SUGT1: variants seen among roughly 807,000 people sequenced by gnomAD.
SUGT1 encodes protein SGT1 homolog.
In SUGT1, 15 loss-of-function variants were observed where a neutral mutation model predicts 56.1. The observed-to-expected ratio is 0.27, with a 90% confidence interval of 0.18 to 0.41. The LOEUF is 0.41. Ranked by LOEUF, SUGT1 falls within the 10% of genes least tolerant of loss-of-function variation. SUGT1 has a pLI of 1.00. For synonymous variants in SUGT1, 123 were observed against 128.6 expected (o/e 0.96, Z 0.30); for missense variants, 347 against 382.2 (o/e 0.91, Z 0.77).
chr13:52,657,449 A>G, intron 2 of SUGT1, 83 bp from the exon 3 acceptor site: 2 of 1,143,552 alleles, frequency 1.7e-6, no homozygotes, highest in Non-Finnish European at 2.6e-6. Context: ...ACAATAAGTT[A>G]CTTGATTAAA....
chr13:52,676,458 T>C (rs1366911882), intron 11 of SUGT1, 138 bp downstream of exon 11: 5 of 685,006 alleles, frequency 7.3e-6, no homozygotes, highest in Non-Finnish European at 1.1e-5. Flanking sequence ...GGTTGCTCCG[T>C]AATGAATATA....
At chr13:52,662,541 TC>T in intron 5 of SUGT1, 107 bp from the exon 6 acceptor site, 3 of 1,031,350 alleles carry the variant, frequency 2.9e-6, no homozygotes, top group Admixed American at 2.1e-5. Flanking sequence ...CGCTGCCGAC[TC>T]CCCAGTGCCT....
Position 52,680,162 on chromosome 13 carries a change from A to T in SUGT1, c.900+7A>T. ...TGCCATGAACAAATCCTTTGTAAGA[A>T]TATAAACTTAAAGAAATATATATGG... is the stretch of plus-strand genomic sequence containing the variant. On this transcript the variant is annotated splice_region_variant and intron_variant, in intron 12 of 12. Coordinates refer to ENST00000310528, the MANE Select transcript of SUGT1 (RefSeq NM_006704.5). The T allele has an allele frequency of 6.4e-7, 1 of 1,554,812 alleles. No individual in the cohort carries two copies. The highest frequency in any genetic ancestry group is 8.6e-7 in the Non-Finnish European group (1 of 1,161,148).
Position 52,676,294 on chromosome 13 carries a change from T to G in SUGT1, c.692T>G (p.Val231Gly). 1.2e-6 allele frequency: 2 copies of G among 1,613,092 alleles called. No homozygotes were observed. The highest frequency in any genetic ancestry group is 1.7e-6 in the Non-Finnish European group (2 of 1,179,510). ...RWEKLEGQGD[V>G]PTPKQFVADV... is the part of the protein sequence containing the mutation. ...GAAAAGCTAGAGGGGCAAGGAGATG[T>G]GCCTACGCCAAAACAATTCGTAGCA... The change falls in exon 11 of 13, where the codon GTG (valine) becomes GGG (glycine). Residue 231 changes from valine (V) to glycine (G), a missense_variant. Transcript: ENST00000310528.
chr13:52,680,819 G>A (rs931546034), intron 12 of SUGT1, among the ~76,000 whole-genome samples: 2 of 152,114 alleles, frequency 1.3e-5, no homozygotes, highest in Admixed American at 6.5e-5. Context: ...GAAATCTGTG[G>A]TAATTGGTCA....
chr13:52,657,142 A>T (rs1165614645), intron 2 of SUGT1, among the ~76,000 whole-genome samples: 1 of 152,228 alleles, frequency 6.6e-6, no homozygotes, highest in Non-Finnish European at 1.5e-5. Context: ...TGCACAGCTT[A>T]ACATTTTCTA....
chr13:52,653,195 G>T, intron 2 of SUGT1, 92 bp downstream of exon 2: 1 of 1,487,352 alleles, frequency 6.7e-7, no homozygotes, highest in South Asian at 1.2e-5. Flanking sequence ...CGCACCGCCG[G>T]ACAGGGACCC....
rs149296327 is a variant in SUGT1, at chr13:52,693,711, T to TTGTGTG, written c.*5891_*5896dup. On this transcript the variant is annotated 3_prime_UTR_variant, in exon 13 of 13. Transcript: ENST00000310528. ...CCAGAAGGCTCAAAATACTAATGTT[T>TTGTGTG]TGTGTGTGTGTGTGTGTGTGCATGT... The TTGTGTG allele has an allele frequency of 6.7e-6, 1 of 150,338 alleles. No homozygotes were observed. The highest frequency in any genetic ancestry group is 1.5e-5 in the Non-Finnish European group (1 of 67,408). 9.3% of individuals were successfully genotyped at this position (150,338 alleles called of 1,614,324 possible).
At chr13:52,678,538 G>T (rs1228866632) in intron 11 of SUGT1, among the ~76,000 whole-genome samples, 1 of 152,144 alleles carries the variant, frequency 6.6e-6, no homozygotes, top group Non-Finnish European at 1.5e-5. Flanking sequence ...GTCCAACACA[G>T]TAGCTGCTAG....
intron 10 of SUGT1, among the ~76,000 whole-genome samples, chr13:52,671,757 G>A (rs1402531606): frequency 6.6e-6 from 1 of 152,152 alleles, no homozygotes; most frequent in Admixed American, 6.5e-5. Context: ...TTTTATAGGA[G>A]AAACTGAGGC....
chr13:52,653,334 ACCT>A (rs906032790), intron 2 of SUGT1, among the ~76,000 whole-genome samples: 6 of 148,434 alleles, frequency 4.0e-5, no homozygotes, highest in African/African-American at 1.5e-4. Context: ...CCTGAGAAAA[ACCT>A]CCTCTATTTC....
chr13:52,679,824 A>G (rs1963296443), intron 11 of SUGT1, 150 bp from the exon 12 acceptor site: 1 of 636,194 alleles, frequency 1.6e-6, no homozygotes, highest in Non-Finnish European at 2.4e-6. Context: ...TTATTGACCT[A>G]TATACCAGAA....
intron 5 of SUGT1, among the ~76,000 whole-genome samples, chr13:52,659,648 G>A (rs905570336): frequency 3.3e-5 from 5 of 151,668 alleles, no homozygotes; most frequent in South Asian, 2.1e-4. Flanking sequence ...TGAAGTGTAC[G>A]TTTGGGTAAA....
At position 52,695,004 on chromosome 13, in the gene SUGT1, T is replaced by G. The variant is rs1963887602; in HGVS notation, c.*7169T>G. On this transcript the variant is annotated 3_prime_UTR_variant, in exon 13 of 13. Coordinates refer to ENST00000310528, the MANE Select transcript of SUGT1 (RefSeq NM_006704.5). The stretch of plus-strand genomic sequence containing the variant: ...TGCCCAGCCTGCTGGTAGATGTTTT[T>G]ATGAGTTAATTCATCAATCTTATTA... 6.6e-6 allele frequency: 1 copy of G among 152,384 alleles called. No homozygotes were observed. Among genetic ancestry groups the G allele is most frequent in the Admixed American group, 6.5e-5 (1 of 15,306 alleles). The allele number at this position is 152,384 out of a possible 1,614,324, so 9.4% of individuals were successfully genotyped here. A position where few individuals can be genotyped will look rare whatever the true frequency, so the allele number is the denominator to read the frequency against.
At chr13:52,675,038 C>T (rs192442861) in intron 10 of SUGT1, among the ~76,000 whole-genome samples, 317 of 152,120 alleles carry the variant, frequency 2.1e-3, no homozygotes, top group African/African-American at 5.8e-3. Flanking sequence ...CAGTACTCCC[C>T]GATGCAGTGT....
In SUGT1 at chr13:52,663,925, A is replaced by G. The variant is rs538776448; in HGVS notation, c.400-110A>G. The G allele has an allele frequency of 4.0e-6, 4 of 992,788 alleles. No homozygotes were observed. In the East Asian group the frequency reaches 1.0e-4, roughly 26 times the overall value. The allele number at this position is 992,788 out of a possible 1,614,324, so 61.5% of individuals were successfully genotyped here. Reference sequence around the variant, plus strand: ...TCATGTAGTTATTTTATATCAAAATAACTGCAGTGTTGGGTAAATTAATAA... The same window carrying G: ...TCATGTAGTTATTTTATATCAAAATGACTGCAGTGTTGGGTAAATTAATAA... On this transcript the variant is annotated intron_variant, in intron 7 of 12. Transcript: ENST00000310528.
At chr13:52,660,395 CTA>C in intron 5 of SUGT1, among the ~76,000 whole-genome samples, 1 of 152,094 alleles carries the variant, frequency 6.6e-6, no homozygotes, top group Non-Finnish European at 1.5e-5. Flanking sequence ...ACCAGGGGTG[CTA>C]CTAAATATTC....
At chr13:52,664,443 A>G (rs937686210) in intron 8 of SUGT1, among the ~76,000 whole-genome samples, 1 of 151,656 alleles carries the variant, frequency 6.6e-6, no homozygotes, top group Non-Finnish European at 1.5e-5. Context: ...AACATTCTGT[A>G]TGCGTTGAAA....
At chr13:52,678,316 G>A (rs1364673997) in intron 11 of SUGT1, among the ~76,000 whole-genome samples, 1 of 151,932 alleles carries the variant, frequency 6.6e-6, no homozygotes. Flanking sequence ...TGTGTGTGTT[G>A]TTTTGTTTTG....
Sources: allele counts gnomAD v4.1 joint callset (sites outside exome capture counted in the v4.1 genomes callset), GRCh38; gene constraint gnomAD v4.1.1; transcripts MANE v1.5; gene names NCBI Gene and HGNC (gene_info 2026-07-23, HGNC 2026-07-21).